The following NFATC2 variants were observed in gnomAD, a reference collection of about 807,000 sequenced individuals.
NFATC2 encodes nuclear factor of activated T cells 2, also known as nuclear factor of activated T-cells, cytoplasmic 2.
In NFATC2, 22 loss-of-function variants were observed where a neutral mutation model predicts 87.3. That is an observed-to-expected ratio of 0.25 (90% CI 0.18 to 0.36). The LOEUF (loss-of-function observed/expected upper bound fraction) is 0.36, where lower values mean the gene tolerates loss of function less well. Among genes scored for constraint, NFATC2 ranks in the 10% least tolerant of loss-of-function variants. The pLI is 1.00. For missense variants in NFATC2, 1,149 were observed against 1,259.1 expected (o/e 0.91, Z 1.32); for synonymous variants, 565 against 542.2 (o/e 1.04, Z -0.58).
chr20:51,402,002 G>A (rs1035383143), intron 9 of NFATC2, among the ~76,000 whole-genome samples: 1 of 152,212 alleles, frequency 6.6e-6, no homozygotes, highest in African/African-American at 2.4e-5. Flanking sequence ...GCATCTCCGT[G>A]GTGGAACCAA....
upstream of NFATC2, among the ~76,000 whole-genome samples, chr20:51,543,578 C>T (rs759680302): frequency 8.5e-5 from 13 of 152,112 alleles, no homozygotes; most frequent in Non-Finnish European, 1.5e-4. Flanking sequence ...GGAGGGAGAA[C>T]GAGGAGTACA....
intron 8 of NFATC2, among the ~76,000 whole-genome samples, chr20:51,434,485 T>C (rs1371813685): frequency 6.6e-6 from 1 of 152,216 alleles, no homozygotes; most frequent in African/African-American, 2.4e-5. Context: ...CCCTGGCTGT[T>C]CCTGTCCACC....
intron 2 of NFATC2, among the ~76,000 whole-genome samples, chr20:51,520,638 T>G (rs1226391979): frequency 6.6e-6 from 1 of 150,924 alleles, no homozygotes; most frequent in African/African-American, 2.4e-5. Context: ...TTTTATTTAT[T>G]TATTTTTATT....
rs2146190245 is a variant in NFATC2 at position 51,389,762 on chromosome 20, C to T, written c.*1734G>A. ...CACACCTGGCCCCACTCCCAGGAAG[C>T]TTTTACCTCTGGGTAACCTTGACGG... On this transcript the variant is annotated 3_prime_UTR_variant, in exon 11 of 11. Coordinates refer to ENST00000371564, the MANE Select transcript of NFATC2 (RefSeq NM_012340.5). The T allele has an allele frequency of 6.6e-6, 1 of 152,284 alleles. No individual in the cohort carries two copies. Among genetic ancestry groups the T allele is most frequent in the South Asian group, 2.1e-4 (1 of 4,810 alleles). The allele number at this position is 152,284 out of a possible 1,614,324, so 9.4% of individuals were successfully genotyped here.
intron 10 of NFATC2, among the ~76,000 whole-genome samples, chr20:51,393,183 TGA>T (rs1353700687): frequency 1.3e-5 from 2 of 152,222 alleles, no homozygotes; most frequent in Non-Finnish European, 2.9e-5. Flanking sequence ...AGCATGTACA[TGA>T]GAGGTCGGAT....
intron 3 of NFATC2, among the ~76,000 whole-genome samples, chr20:51,485,385 C>A (rs1280082745): frequency 6.6e-6 from 1 of 152,182 alleles, no homozygotes; most frequent in East Asian, 1.9e-4. Context: ...AGCTTCTGGT[C>A]CCCTGGACAG....
chr20:51,468,627 A>C (rs918347263), intron 5 of NFATC2, among the ~76,000 whole-genome samples: 3 of 152,202 alleles, frequency 2.0e-5, no homozygotes, highest in Admixed American at 6.5e-5. Context: ...GCCTGTGGAC[A>C]TCTCCTGTCT....
intron 9 of NFATC2, among the ~76,000 whole-genome samples, chr20:51,407,081 C>A (rs1344009323): frequency 6.6e-6 from 1 of 152,236 alleles, no homozygotes; most frequent in South Asian, 2.1e-4. Context: ...AGGGCCTTTG[C>A]ACCTGCTGTT....
rs540700976 is a variant in NFATC2, at chr20:51,560,451, G to A, written c.70+2109C>T. ...TGAACACACCTCTTTCAGATCTTCA[G>A]TTTTTCACAGGGCCAATGCCGCTTT... On this transcript the variant is annotated intron_variant, in intron 1 of 10. Coordinates refer to the NFATC2 transcript ENST00000414705. Among the ~76,000 whole-genome samples the A allele has an allele frequency of 5.3e-5, 8 of 152,318 alleles. No homozygotes were observed. The South Asian group carries it at 1.5e-3, about 28-fold the overall frequency.
At chr20:51,540,663 T>TTTTTTTTTTTTTTTTTTGTTTG (rs1555818354) in intron 1 of NFATC2, among the ~76,000 whole-genome samples, 1 of 135,692 alleles carries the variant, frequency 7.4e-6, no homozygotes, top group African/African-American at 2.8e-5. Flanking sequence ...TTTTTGTTTT[T>TTTTTTTTTTTTTTTTTTGTTTG]TTTTTTTTGA....
At chr20:51,535,350 C>T (rs567767314) in intron 1 of NFATC2, among the ~76,000 whole-genome samples, 6 of 152,344 alleles carry the variant, frequency 3.9e-5, no homozygotes, top group African/African-American at 4.8e-5. Context: ...ATCCCCACAT[C>T]CCCTCGCACA....
chr20:51,525,001 C>G (rs185869281), intron 1 of NFATC2, among the ~76,000 whole-genome samples: 1 of 152,286 alleles, frequency 6.6e-6, no homozygotes, highest in East Asian at 1.9e-4. Flanking sequence ...GGGCAGATCA[C>G]TTGCGGTCAG....
upstream of NFATC2, among the ~76,000 whole-genome samples, chr20:51,547,420 A>G (rs1390995707): frequency 6.6e-6 from 1 of 152,068 alleles, no homozygotes; most frequent in Non-Finnish European, 1.5e-5. Flanking sequence ...GACTCCCGAA[A>G]CGCCTTCAAG....
intron 1 of NFATC2, among the ~76,000 whole-genome samples, chr20:51,531,210 A>C (rs971186413): frequency 3.3e-5 from 5 of 152,186 alleles, no homozygotes; most frequent in African/African-American, 1.2e-4. Flanking sequence ...CTGGCTTTAG[A>C]GCCCCAGCAT....
intron 8 of NFATC2, among the ~76,000 whole-genome samples, chr20:51,433,871 C>T (rs1056686186): frequency 6.6e-6 from 1 of 151,904 alleles, no homozygotes; most frequent in Non-Finnish European, 1.5e-5. Context: ...GAAATTGTCC[C>T]TCGAGGTGCC....
At chr20:51,526,692 T>A (rs924128400) in intron 1 of NFATC2, among the ~76,000 whole-genome samples, 2 of 152,172 alleles carry the variant, frequency 1.3e-5, no homozygotes, top group African/African-American at 4.8e-5. Flanking sequence ...CTTTCTGGGC[T>A]ATCCTAGAGG....
At chr20:51,420,118 A>G (rs1980663244) in intron 9 of NFATC2, among the ~76,000 whole-genome samples, 1 of 152,196 alleles carries the variant, frequency 6.6e-6, no homozygotes. Context: ...AAAGGGAAAG[A>G]ATCAAGCATT....
intron 9 of NFATC2, among the ~76,000 whole-genome samples, chr20:51,428,153 T>C (rs1982139081): frequency 6.6e-6 from 1 of 151,658 alleles, no homozygotes; most frequent in Admixed American, 6.6e-5. Context: ...GACAGAGGAA[T>C]AGGGGAGAAA....
chr20:51,437,288 A>T (rs569400027), intron 6 of NFATC2, among the ~76,000 whole-genome samples: 1 of 152,270 alleles, frequency 6.6e-6, no homozygotes, highest in East Asian at 1.9e-4. Context: ...AAGGGGGAAA[A>T]ATCTACATGC....
Sources: gnomAD v4.1 joint callset for allele counts (sites outside exome capture counted in the v4.1 genomes callset) on GRCh38, gnomAD v4.1.1 for gene constraint, MANE v1.5 for transcripts, NCBI Gene and HGNC (gene_info 2026-07-23, HGNC 2026-07-21) for gene names.